The following UBE3C variants were observed in gnomAD, a reference collection of about 807,000 sequenced individuals.
UBE3C encodes the protein ubiquitin-protein ligase E3C.
Under a neutral mutation model 129.4 loss-of-function variants are expected in UBE3C, and 42 were observed. The observed-to-expected ratio is 0.32, with a 90% CI of 0.25 to 0.42. The LOEUF (loss-of-function observed/expected upper bound fraction) is 0.42. Ranked by LOEUF, UBE3C falls within the 10% of genes least tolerant of loss-of-function variation. The probability of loss-of-function intolerance (pLI) is 1.00; values close to 1 mark genes in which losing one functional copy is unlikely to be tolerated. For synonymous variants in UBE3C, 510 were observed against 492.4 expected (o/e 1.04, Z -0.47); for missense variants, 1,049 against 1,319.1 (o/e 0.80, Z 3.17).
chr7:157,192,881 G>A, intron 10 of UBE3C: 4 of 838,150 alleles, frequency 4.8e-6, no homozygotes, highest in Non-Finnish European at 7.9e-6. Context: ...AAAAAAAGAA[G>A]GGATTATCAA....
rs927509353 is a variant in UBE3C at position 157,219,228 on chromosome 7, C to T, written c.1915-1461C>T. Among the ~76,000 whole-genome samples the T allele has an allele frequency of 3.9e-5, 6 of 152,320 alleles. No homozygotes were observed. The South Asian group carries it at 8.3e-4, about 21-fold the overall frequency. On this transcript the variant is annotated intron_variant, in intron 14 of 22. Transcript: ENST00000348165. ...AGAATGCAAATAGCTGCACCTCTTC[C>T]TTACTCCAGAAAGTTGTGCGATGGG... is the stretch of plus-strand genomic sequence containing the variant.
intron 1 of UBE3C, among the ~76,000 whole-genome samples, chr7:157,156,118 A>G (rs1201505282): frequency 2.0e-5 from 3 of 152,116 alleles, no homozygotes; most frequent in African/African-American, 2.4e-5. Context: ...CCAGCCACTC[A>G]GTGGTGAACT....
intron 4 of UBE3C, among the ~76,000 whole-genome samples, chr7:157,174,129 G>A (rs1385576211): frequency 6.6e-6 from 1 of 152,162 alleles, no homozygotes; most frequent in Non-Finnish European, 1.5e-5. Context: ...TTGGGAGGCT[G>A]AGGTTGGTGG....
intron 1 of UBE3C, among the ~76,000 whole-genome samples, chr7:157,157,907 G>A (rs1178923391): frequency 6.6e-6 from 1 of 151,988 alleles, no homozygotes; most frequent in African/African-American, 2.4e-5. Flanking sequence ...TTGAACCTGG[G>A]AGGCGGAGGT....
At chr7:157,218,048 T>A (rs190842228) in intron 14 of UBE3C, among the ~76,000 whole-genome samples, 139 of 151,650 alleles carry the variant, frequency 9.2e-4, no homozygotes, top group Non-Finnish European at 2.7e-4. Context: ...ATATAAGTGA[T>A]GTTAACAGAG....
At chr7:157,181,467 C>T in intron 6 of UBE3C, 51 bp from the exon 7 acceptor site, 6 of 1,506,772 alleles carry the variant, frequency 4.0e-6, no homozygotes, top group Admixed American at 2.4e-5. Flanking sequence ...AAGTTTTTTC[C>T]CTTATTACAG....
chr7:157,176,618 T>C (rs530554220), intron 5 of UBE3C, among the ~76,000 whole-genome samples: 1 of 152,238 alleles, frequency 6.6e-6, no homozygotes, highest in Non-Finnish European at 1.5e-5. Flanking sequence ...CCTCCTCATC[T>C]TTCCTCTTTA....
intron 1 of UBE3C, among the ~76,000 whole-genome samples, chr7:157,153,996 G>A (rs187306068): frequency 9.9e-6 from 1 of 101,510 alleles, no homozygotes; most frequent in Admixed American, 1.2e-4. Flanking sequence ...GGCCCTGTCT[G>A]GGGGGGGAAA....
At chr7:157,189,375 T>TA (rs1364870070) in intron 10 of UBE3C, 2 of 157,546 alleles carry the variant, frequency 1.3e-5, no homozygotes, top group African/African-American at 4.8e-5. Context: ...TCCACTATTT[T>TA]AAAATATGAT....
intron 22 of UBE3C, among the ~76,000 whole-genome samples, chr7:157,260,441 TAGG>T (rs1796872114): frequency 6.6e-6 from 1 of 152,182 alleles, no homozygotes; most frequent in East Asian, 1.9e-4. Flanking sequence ...TGTGACCAGA[TAGG>T]AGAATCTCTC....
intron 10 of UBE3C, among the ~76,000 whole-genome samples, chr7:157,187,657 G>C (rs957174163): frequency 4.0e-5 from 6 of 151,538 alleles, no homozygotes; most frequent in Non-Finnish European, 8.8e-5. Flanking sequence ...CTCACTGTAG[G>C]CTCTGCCCCC....
chr7:157,216,791 C>T lies in UBE3C; in HGVS notation c.1810-76C>T, dbSNP rs566803810. 95 of 1,179,974 alleles carry T rather than the reference C, an allele frequency of 8.1e-5. 1 individual carries two copies. The highest frequency in any genetic ancestry group is 2.7e-4 in the East Asian group (11 of 41,064). The allele number at this position is 1,179,974 out of a possible 1,614,324, so 73.1% of individuals were successfully genotyped here. A position where few individuals can be genotyped will look rare whatever the true frequency, so the allele number is the denominator to read the frequency against. ...TGCACCACCGCTGTGTGCTCCTCCT[C>T]GAGTGAATGTATGGCTCACTGTGCA... On this transcript the variant is annotated intron_variant, in intron 13 of 22. Transcript: ENST00000348165.
At position 157,265,724 on chromosome 7, in the gene UBE3C, G is replaced by A. The variant is rs536593658; in HGVS notation, c.3082-1861G>A. On this transcript the variant is annotated intron_variant, in intron 22 of 22. Coordinates refer to ENST00000348165, the MANE Select transcript of UBE3C (RefSeq NM_014671.3). ...CGTCTCAATTTTAAACCTAAAGGAG[G>A]GAGAACATTTTCTCATGCGTGCATT... Among the ~76,000 whole-genome samples the A allele has an allele frequency of 4.6e-5, 7 of 152,240 alleles. No individual in the cohort carries two copies. In the South Asian group the frequency reaches 1.5e-3, roughly 32 times the overall value.
rs947435257 is a variant in UBE3C at position 157,220,721 on chromosome 7, T to C, written c.1947T>C (p.His649=). 1.2e-6 allele frequency: 2 copies of C among 1,614,124 alleles called. No homozygotes were observed. The highest frequency in any genetic ancestry group is 2.2e-5 in the East Asian group (1 of 44,890). Residue 649 remains histidine, a synonymous_variant, in exon 15 of 23, where the codon CAT becomes CAC. Transcript: ENST00000348165. ...VTQLYVPASR[H]VWRFRRMGRI... ...AGCTCTATGTGCCAGCATCCAGACA[T>C]GTGTGGAGGTTCCGGCGGATGGGGA...
intron 13 of UBE3C, among the ~76,000 whole-genome samples, chr7:157,215,719 G>A (rs879072152): frequency 6.6e-6 from 1 of 151,964 alleles, no homozygotes; most frequent in Admixed American, 6.6e-5. Flanking sequence ...CTTGAGCTCT[G>A]TAGTAGTTAT....
chr7:157,256,134 C>A (rs1455143347), intron 21 of UBE3C, among the ~76,000 whole-genome samples: 2 of 152,018 alleles, frequency 1.3e-5, no homozygotes, highest in Non-Finnish European at 2.9e-5. Flanking sequence ...CTTATTCTAG[C>A]TTTTTATGTA....
At position 157,186,693 on chromosome 7, in the gene UBE3C, G is replaced by A. The variant is rs1261381477; in HGVS notation, c.1144-141G>A. The A allele has an allele frequency of 8.9e-6, 8 of 896,898 alleles. No homozygotes were observed. In the East Asian group the frequency reaches 2.1e-4, roughly 23 times the overall value. 55.6% of individuals were successfully genotyped at this position (896,898 alleles called of 1,614,324 possible). ...GGATCCCTAGAGGATTTCACACTAA[G>A]TGTACTGTGATGTAGATAATTTTGA... On this transcript the variant is annotated intron_variant, in intron 9 of 22. Transcript: ENST00000348165.
intron 1 of UBE3C, among the ~76,000 whole-genome samples, chr7:157,162,833 A>G (rs925593341): frequency 6.6e-6 from 1 of 152,116 alleles, no homozygotes; most frequent in South Asian, 2.1e-4. Flanking sequence ...CTTTAATTTT[A>G]TTTTGGATGA....
At chr7:157,244,388 A>G (rs902011216) in intron 18 of UBE3C, among the ~76,000 whole-genome samples, 4 of 152,212 alleles carry the variant, frequency 2.6e-5, no homozygotes, top group African/African-American at 7.2e-5. Flanking sequence ...GCGTGTTGCT[A>G]TTAGTATACA....
Sources: allele counts gnomAD v4.1 joint callset (sites outside exome capture counted in the v4.1 genomes callset), GRCh38; gene constraint gnomAD v4.1.1; transcripts MANE v1.5; gene names NCBI Gene and HGNC (gene_info 2026-07-23, HGNC 2026-07-21).